DIAPH2: variants seen among roughly 807,000 people sequenced by gnomAD.
The protein encoded by DIAPH2 is protein diaphanous homolog 2.
In DIAPH2, 35 loss-of-function variants were observed where a neutral mutation model predicts 92.7. The observed-to-expected ratio is 0.38, with a 90% CI of 0.29 to 0.50. DIAPH2 has a LOEUF of 0.50. DIAPH2 is among the 20% of genes least tolerant of loss of function. DIAPH2 has a pLI of 0.94. For missense variants in DIAPH2, 701 were observed against 819.5 expected, an observed-to-expected ratio of 0.86 and a Z score of 1.77; for synonymous variants, 301 against 280.4, an observed-to-expected ratio of 1.07 and a Z score of -0.73.
At chrX:97,132,721 A>C (rs999729431) in intron 21 of DIAPH2, among the ~76,000 whole-genome samples, 3 of 112,241 alleles carry the variant, frequency 2.7e-5, no homozygotes, top group Admixed American at 1.9e-4. Flanking sequence ...AGCCATGATT[A>C]ATGAAAATTT....
At chrX:96,893,766 G>C (rs1388320695) in intron 5 of DIAPH2, among the ~76,000 whole-genome samples, 1 of 112,266 alleles carries the variant, frequency 8.9e-6, no homozygotes, top group Non-Finnish European at 1.9e-5. Flanking sequence ...TTTGATAGAA[G>C]TTGGATAGCT....
intron 25 of DIAPH2, among the ~76,000 whole-genome samples, chrX:97,428,817 A>G (rs1421865489): frequency 8.9e-6 from 1 of 111,885 alleles, no homozygotes; most frequent in African/African-American, 3.3e-5. Flanking sequence ...ACAGTGTAAT[A>G]GAGACTTTCT....
At position 96,738,773 on chromosome X, in the gene DIAPH2, C is replaced by A; in HGVS notation, c.342+11C>A. On this transcript the variant is annotated intron_variant, in intron 3 of 26. Transcript: ENST00000324765. ...TTTGAAAAAATGATGGTAAGTTATA[C>A]CCCTAATTTTGATGTAATTTTAAAA... 8.5e-7 allele frequency: 1 copy of A among 1,178,157 alleles called. No individual in the cohort carries two copies. The highest frequency in any genetic ancestry group is 1.9e-5 in the South Asian group (1 of 53,478).
intron 23 of DIAPH2, among the ~76,000 whole-genome samples, chrX:97,291,791 G>A (rs909302817): frequency 9.0e-6 from 1 of 111,353 alleles, no homozygotes; most frequent in Non-Finnish European, 1.9e-5. Flanking sequence ...CCCCACCTCA[G>A]CCTCCCAAAG....
At chrX:96,756,044 T>A (rs1414827345) in intron 3 of DIAPH2, among the ~76,000 whole-genome samples, 2 of 111,108 alleles carry the variant, frequency 1.8e-5, no homozygotes, top group Non-Finnish European at 3.8e-5. Flanking sequence ...TTTAAAAGTT[T>A]TTATAGAAGC....
intron 1 of DIAPH2, among the ~76,000 whole-genome samples, chrX:96,709,383 G>A (rs774457607): frequency 1.8e-5 from 2 of 111,898 alleles, no homozygotes; most frequent in South Asian, 7.5e-4. Context: ...ATTGATAAAG[G>A]CGCTAAAAGG....
chrX:97,130,146 T>G lies in DIAPH2; in HGVS notation c.2590-11519T>G, dbSNP rs770366131. Among the ~76,000 whole-genome samples, 11 of 112,453 alleles carry G rather than the reference T, an allele frequency of 9.8e-5. No homozygotes were observed. In the South Asian group the frequency reaches 4.0e-3, roughly 41 times the overall value. The stretch of plus-strand genomic sequence containing the variant: ...GGATGTGGAGAAATTTGAACCCTTA[T>G]GCATTGCTGGTGGGAATGTAAAATG... On this transcript the variant is annotated intron_variant, in intron 21 of 26. Coordinates refer to ENST00000324765, the MANE Select transcript of DIAPH2 (RefSeq NM_006729.5).
At chrX:96,769,637 A>G (rs766168693) in intron 4 of DIAPH2, among the ~76,000 whole-genome samples, 1 of 111,729 alleles carries the variant, frequency 9.0e-6, no homozygotes, top group Non-Finnish European at 1.9e-5. Flanking sequence ...CATTTACCAG[A>G]TAAACAATCT....
chrX:97,200,305 T>C (rs1438836934), intron 22 of DIAPH2, among the ~76,000 whole-genome samples: 1 of 112,168 alleles, frequency 8.9e-6, no homozygotes, highest in Non-Finnish European at 1.9e-5. Context: ...GTTGTTTTTG[T>C]ACCCCGGCGG....
At chrX:96,691,357 T>C (rs5949974) in intron 1 of DIAPH2, among the ~76,000 whole-genome samples, 6,844 of 111,815 alleles carry the variant, frequency 0.061, 232 homozygotes, top group Middle Eastern at 0.17. Context: ...GATATCCAAG[T>C]GGGCATGTTG....
At chrX:97,031,106 T>A in intron 17 of DIAPH2, among the ~76,000 whole-genome samples, 1 of 111,179 alleles carries the variant, frequency 9.0e-6, no homozygotes, top group East Asian at 2.8e-4. Context: ...CAAGGCTCAC[T>A]GATTAACCAC....
At chrX:97,005,671 C>T (rs936570634) in intron 17 of DIAPH2, among the ~76,000 whole-genome samples, 1 of 110,821 alleles carries the variant, frequency 9.0e-6, no homozygotes, top group Non-Finnish European at 1.9e-5. Context: ...TCCTGAGTAG[C>T]TGGGACTACA....
intron 23 of DIAPH2, among the ~76,000 whole-genome samples, chrX:97,339,742 G>A (rs147166989): frequency 0.01 from 1,173 of 111,911 alleles, 11 homozygotes; most frequent in African/African-American, 0.036. Flanking sequence ...TTAGCTTACA[G>A]TTATCTTAAA....
At chrX:97,315,043 A>G (rs1328286491) in intron 23 of DIAPH2, among the ~76,000 whole-genome samples, 1 of 112,175 alleles carries the variant, frequency 8.9e-6, no homozygotes, top group Admixed American at 9.5e-5. Flanking sequence ...TACCTTTAAT[A>G]TATGGCCATT....
chrX:96,693,412 T>C (rs1239590423), intron 1 of DIAPH2, among the ~76,000 whole-genome samples: 1 of 112,451 alleles, frequency 8.9e-6, no homozygotes, highest in African/African-American at 3.2e-5. Context: ...AATCAATCAC[T>C]GATAAAGTCT....
At chrX:97,238,643 G>T (rs1449607623) in intron 22 of DIAPH2, among the ~76,000 whole-genome samples, 1 of 108,531 alleles carries the variant, frequency 9.2e-6, no homozygotes, top group Non-Finnish European at 1.9e-5. Flanking sequence ...TTTTTATTTG[G>T]GTACCATTTA....
chrX:96,729,190 T>C (rs889595131), intron 1 of DIAPH2, among the ~76,000 whole-genome samples: 15 of 112,035 alleles, frequency 1.3e-4, no homozygotes, highest in African/African-American at 4.5e-4. Flanking sequence ...AATCAGAATA[T>C]GCATTTGTCT....
intron 26 of DIAPH2, among the ~76,000 whole-genome samples, chrX:97,448,100 C>T (rs1277500693): frequency 8.9e-6 from 1 of 112,064 alleles, no homozygotes; most frequent in East Asian, 2.8e-4. Context: ...ATTTTGACAT[C>T]TAATTTGAAT....
Position 97,133,708 on chromosome X carries a change from C to T in DIAPH2, c.2590-7957C>T, listed in dbSNP as rs748425829. 5.3e-5 allele frequency among the ~76,000 whole-genome samples: 6 copies of T among 112,337 alleles called. No homozygotes were observed. The South Asian group carries it at 1.1e-3, about 21-fold the overall frequency. On this transcript the variant is annotated intron_variant, in intron 21 of 26. Transcript: ENST00000324765. ...TAACATATGAACCTAGCCCCATTCT[C>T]ACTCTTGGTCTTCAACCCGAAATGA...
Sources: gnomAD v4.1 joint callset for allele counts (sites outside exome capture counted in the v4.1 genomes callset) on GRCh38, gnomAD v4.1.1 for gene constraint, MANE v1.5 for transcripts, NCBI Gene and HGNC (gene_info 2026-07-23, HGNC 2026-07-21) for gene names.